PTPRA: variants seen among roughly 807,000 people sequenced by gnomAD.
PTPRA encodes receptor-type tyrosine-protein phosphatase alpha.
A neutral mutation model predicts 104.8 loss-of-function variants in PTPRA; 25 were observed. The ratio of observed to expected loss-of-function variants is 0.24; its 90% confidence interval spans 0.17 to 0.33. The LOEUF is 0.33. Ranked by LOEUF, PTPRA falls within the 10% of genes least tolerant of loss-of-function variation. The probability of loss-of-function intolerance (pLI) is 1.00; values close to 1 mark genes in which losing one functional copy is unlikely to be tolerated. For missense variants in PTPRA, 765 were observed against 1,015.3 expected (o/e 0.75, Z 3.35); for synonymous variants, 323 against 368.9 (o/e 0.88, Z 1.43).
intron 1 of PTPRA, among the ~76,000 whole-genome samples, chr20:2,904,733 A>G (rs1296697920): frequency 6.6e-6 from 1 of 151,912 alleles, no homozygotes; most frequent in Non-Finnish European, 1.5e-5. Context: ...AGACCTGAAT[A>G]TATATAGGAA....
chr20:2,942,433 A>G (rs1204995600), intron 2 of PTPRA, among the ~76,000 whole-genome samples: 1 of 152,022 alleles, frequency 6.6e-6, no homozygotes, highest in Admixed American at 6.5e-5. Flanking sequence ...ACTTTTCTAT[A>G]TCCTTAAGCT....
intron 9 of PTPRA, 111 bp downstream of exon 9, chr20:2,988,585 AG>A (rs1244470845): frequency 1.4e-6 from 2 of 1,428,740 alleles, no homozygotes; most frequent in Non-Finnish European, 1.9e-6. Context: ...AATGTTTAAG[AG>A]GTGAGAAATG....
the PTPRA span, chr20:2,866,802 C>A: frequency 1.7e-6 from 1 of 597,240 alleles, no homozygotes; most frequent in Non-Finnish European, 2.8e-6. Flanking sequence ...GACACCACAG[C>A]AAAACTCCAT....
At chr20:2,969,978 T>TAAATAATAAATAAATAAATA (rs1555807324) in intron 5 of PTPRA, among the ~76,000 whole-genome samples, 3 of 149,988 alleles carry the variant, frequency 2.0e-5, no homozygotes, top group African/African-American at 7.4e-5. Context: ...TCTAAATAAA[T>TAAATAATAAATAAATAAATA]AATAAATAAA....
At chr20:2,979,571 G>A (rs866982037) in intron 6 of PTPRA, among the ~76,000 whole-genome samples, 1 of 152,320 alleles carries the variant, frequency 6.6e-6, no homozygotes, top group African/African-American at 2.4e-5. Flanking sequence ...CTGTCGCCCA[G>A]GCTGGAGTGC....
At chr20:2,963,338 AC>A (rs1259008435) in intron 3 of PTPRA, among the ~76,000 whole-genome samples, 1 of 152,146 alleles carries the variant, frequency 6.6e-6, no homozygotes, top group Non-Finnish European at 1.5e-5. Context: ...GTGATGACTC[AC>A]GCCTGTAATC....
chr20:2,867,879 GA>G, the PTPRA span, among the ~76,000 whole-genome samples: 1 of 152,208 alleles, frequency 6.6e-6, no homozygotes, highest in Admixed American at 6.5e-5. Flanking sequence ...GAAAGTTTGT[GA>G]AAGTCCTTCA....
intron 1 of PTPRA, among the ~76,000 whole-genome samples, chr20:2,890,689 C>T (rs1600066981): frequency 6.6e-6 from 1 of 152,112 alleles, no homozygotes; most frequent in East Asian, 1.9e-4. Context: ...ATGTGATCAA[C>T]TTTACAGTCT....
chr20:2,900,025 G>A (rs553291361), intron 1 of PTPRA, among the ~76,000 whole-genome samples: 13 of 152,222 alleles, frequency 8.5e-5, no homozygotes, highest in Non-Finnish European at 1.6e-4. Flanking sequence ...CAGGAGAATC[G>A]TTTGAACCCA....
intron 2 of PTPRA, among the ~76,000 whole-genome samples, chr20:2,937,113 C>T (rs1185815154): frequency 7.0e-6 from 1 of 142,630 alleles, no homozygotes; most frequent in African/African-American, 2.6e-5. Flanking sequence ...TTAGTTCCTT[C>T]TACCTTTCTT....
At chr20:3,017,394 T>A (rs543269878) in intron 12 of PTPRA, among the ~76,000 whole-genome samples, 2 of 152,312 alleles carry the variant, frequency 1.3e-5, no homozygotes, top group African/African-American at 2.4e-5. Flanking sequence ...AATTTTGAAT[T>A]CTAGCCTGAA....
intron 2 of PTPRA, among the ~76,000 whole-genome samples, chr20:2,934,057 C>G (rs2060603668): frequency 6.6e-6 from 1 of 151,888 alleles, no homozygotes; most frequent in Non-Finnish European, 1.5e-5. Context: ...AAATAGAGAC[C>G]TAATTTTTGC....
rs1204573827 is a variant in PTPRA, at chr20:2,890,384, A to G, written c.-129+16624A>G. 3.9e-5 allele frequency among the ~76,000 whole-genome samples: 6 copies of G among 152,124 alleles called. No individual in the cohort carries two copies. The South Asian group carries it at 1.0e-3, about 26-fold the overall frequency. ...GGGCAAAATAGTTAGCTCTTCTGAG[A>G]CTCACTTTTGTCACCTAGTAAATGG... On this transcript the variant is annotated intron_variant, in intron 1 of 23. Transcript: ENST00000399903.
At chr20:2,889,007 A>G (rs1355624180) in intron 1 of PTPRA, among the ~76,000 whole-genome samples, 2 of 152,180 alleles carry the variant, frequency 1.3e-5, no homozygotes, top group Non-Finnish European at 2.9e-5. Context: ...TGTACTTGGT[A>G]AGTTTTCAAA....
intron 1 of PTPRA, among the ~76,000 whole-genome samples, chr20:2,885,362 T>G (rs1462077813): frequency 6.6e-6 from 1 of 152,216 alleles, no homozygotes; most frequent in Non-Finnish European, 1.5e-5. Context: ...TAGAAACAAT[T>G]TTGTAACCTA....
chr20:2,912,231 A>G (rs551732626), intron 1 of PTPRA, among the ~76,000 whole-genome samples: 23 of 152,280 alleles, frequency 1.5e-4, no homozygotes, highest in African/African-American at 5.5e-4. Context: ...TGGGTGACAG[A>G]GTAAGACCCT....
At chr20:2,941,104 C>T in intron 2 of PTPRA, among the ~76,000 whole-genome samples, 1 of 152,008 alleles carries the variant, frequency 6.6e-6, no homozygotes. Context: ...GATCTCAACT[C>T]ACTGCAACCT....
chr20:2,888,067 C>T (rs1213670254), intron 1 of PTPRA, among the ~76,000 whole-genome samples: 1 of 152,218 alleles, frequency 6.6e-6, no homozygotes, highest in Non-Finnish European at 1.5e-5. Context: ...AGCCCTCAAA[C>T]ACGGATGAGA....
chr20:3,031,332 C>A (rs954235156), intron 20 of PTPRA, among the ~76,000 whole-genome samples: 5 of 151,596 alleles, frequency 3.3e-5, no homozygotes, highest in African/African-American at 1.2e-4. Flanking sequence ...TATCTAGAGG[C>A]CGTAACGTGA....
Sources: gnomAD v4.1 joint callset for allele counts (sites outside exome capture counted in the v4.1 genomes callset) on GRCh38, gnomAD v4.1.1 for gene constraint, MANE v1.5 for transcripts, NCBI Gene and HGNC (gene_info 2026-07-23, HGNC 2026-07-21) for gene names.